Variants in ANKRD17 observed in about 807,000 individuals in gnomAD.
The protein encoded by ANKRD17 is ankyrin repeat domain-containing protein 17.
ANKRD17 carries 19 observed loss-of-function variants against 229.7 expected under a neutral mutation model. The ratio of observed to expected loss-of-function variants is 0.08; its 90% CI spans 0.06 to 0.12. ANKRD17 has a LOEUF of 0.12. Among genes scored for constraint, ANKRD17 ranks in the 10% least tolerant of loss-of-function variants. ANKRD17 has a pLI of 1.00. For synonymous variants in ANKRD17, 1,112 were observed against 1,146.1 expected (o/e 0.97, Z 0.60); for missense variants, 2,176 against 3,176.8 (o/e 0.68, Z 7.57).
rs1409463064 is a variant in ANKRD17, at chr4:73,091,515, T to C, written c.6113A>G (p.Tyr2038Cys). The change falls in exon 29 of 34, where the codon TAT (tyrosine) becomes TGT (cysteine). Residue 2038 changes from tyrosine (Y) to cysteine (C), a missense_variant. Tyr to Cys is a radical substitution (Grantham distance 194, BLOSUM62 -2). Around this residue, in one of 18 missense-constraint regions of ANKRD17, gnomAD observed 424 missense variants for 454.0 expected, o/e 0.93. Transcript: ENST00000358602. ...TGGGGAAGATGGGGATGATACTGGA[T>C]AGTGTTCTTTGGCAGTAGGCATAGG... is the stretch of plus-strand genomic sequence containing the variant. The part of the protein sequence containing the change: ...TYPMPTAKEH[Y>C]PVSSPSSPSP... 4.3e-6 allele frequency: 7 copies of C among 1,614,132 alleles called. No homozygotes were observed. Among genetic ancestry groups the C allele is most frequent in the Non-Finnish European group, 5.9e-6 (7 of 1,180,008 alleles).
chr4:73,235,341 C>T (rs1277851855), intron 1 of ANKRD17, among the ~76,000 whole-genome samples: 1 of 152,112 alleles, frequency 6.6e-6, no homozygotes, highest in Non-Finnish European at 1.5e-5. Context: ...AATGTTGAGA[C>T]AGTAACAGGG....
intron 1 of ANKRD17, among the ~76,000 whole-genome samples, chr4:73,215,848 T>C (rs557551911): frequency 1.1e-4 from 16 of 152,330 alleles, no homozygotes; most frequent in Admixed American, 3.3e-4. Context: ...CTCCTAACAA[T>C]GTGACACTAA....
At chr4:73,218,472 A>G (rs1342391845) in intron 1 of ANKRD17, among the ~76,000 whole-genome samples, 1 of 151,706 alleles carries the variant, frequency 6.6e-6, no homozygotes. Flanking sequence ...GAGAAACCCC[A>G]TCTCTACTAA....
At chr4:73,221,350 T>C (rs1033211359) in intron 1 of ANKRD17, among the ~76,000 whole-genome samples, 6 of 152,104 alleles carry the variant, frequency 3.9e-5, no homozygotes, top group South Asian at 2.1e-4. Context: ...GTTGTTCAGG[T>C]AGCATTAAAA....
chr4:73,122,528 A>G (rs1270792532), intron 18 of ANKRD17, among the ~76,000 whole-genome samples: 1 of 152,180 alleles, frequency 6.6e-6, no homozygotes, highest in Non-Finnish European at 1.5e-5. Flanking sequence ...ATTGTCCACT[A>G]TGCCATTTAA....
intron 1 of ANKRD17, among the ~76,000 whole-genome samples, chr4:73,179,462 ATATATG>A (rs1394571068): frequency 1.1e-5 from 1 of 92,642 alleles, no homozygotes; most frequent in Non-Finnish European, 2.0e-5. Flanking sequence ...GTATATATGT[ATATATG>A]TGTGTGTGTG....
At chr4:73,119,809 A>G (rs971083519) in intron 21 of ANKRD17, among the ~76,000 whole-genome samples, 1 of 152,246 alleles carries the variant, frequency 6.6e-6, no homozygotes, top group Non-Finnish European at 1.5e-5. Context: ...GTGAAGAACA[A>G]GAAAATGGAC....
intron 1 of ANKRD17, among the ~76,000 whole-genome samples, chr4:73,225,104 A>G (rs1266655761): frequency 1.3e-5 from 2 of 152,200 alleles, no homozygotes; most frequent in Non-Finnish European, 2.9e-5. Context: ...CATTGTTGAG[A>G]CCTGGCTTAA....
chr4:73,176,851 C>T (rs961228318), intron 2 of ANKRD17, among the ~76,000 whole-genome samples: 9 of 152,024 alleles, frequency 5.9e-5, no homozygotes, highest in Non-Finnish European at 1.3e-4. Flanking sequence ...CTACTATGTA[C>T]CCACAAAAAT....
chr4:73,076,484 TA>T (rs551160788), intron 33 of ANKRD17, among the ~76,000 whole-genome samples, 194 bp from the exon 34 acceptor site: 17 of 149,516 alleles, frequency 1.1e-4, no homozygotes, highest in South Asian at 4.2e-4. Context: ...TTACAACCTT[TA>T]AAAAAAAAAT....
In ANKRD17 at chr4:73,191,341, A is replaced by ATATGTGTGTGTGTGTGTGTGTGTGTG. The variant is rs1553933228; in HGVS notation, c.394-13809_394-13808insCACACACACACACACACACACACATA. Among the ~76,000 whole-genome samples the ATATGTGTGTGTGTGTGTGTGTGTGTG allele has an allele frequency of 1.5e-3, 186 of 125,284 alleles. 1 individual carries two copies. Among genetic ancestry groups the ATATGTGTGTGTGTGTGTGTGTGTGTG allele is most frequent in the East Asian group, 4.2e-3 (17 of 4,090 alleles). 82.2% of individuals were successfully genotyped at this position (125,284 alleles called of 152,430 possible). ...AATAGGCCCCTACCAAAAAATATAT[A>ATATGTGTGTGTGTGTGTGTGTGTGTG]TGTGTGTGTGTGTGTGTGTGTGTGT... On this transcript the variant is annotated intron_variant, in intron 1 of 33. Transcript: ENST00000358602.
At chr4:73,241,831 C>T (rs1467619938) in intron 1 of ANKRD17, among the ~76,000 whole-genome samples, 1 of 151,950 alleles carries the variant, frequency 6.6e-6, no homozygotes, top group Admixed American at 6.6e-5. Flanking sequence ...ATTCATCATA[C>T]CAAGTATTCA....
chr4:73,256,440 TTG>T (rs879010375), intron 1 of ANKRD17, among the ~76,000 whole-genome samples: 14 of 152,314 alleles, frequency 9.2e-5, no homozygotes, highest in African/African-American at 2.9e-4. Context: ...AGCTGCATGA[TTG>T]TGTTACCTTG....
chr4:73,120,256 C>T lies in ANKRD17; in HGVS notation c.3931G>A (p.Val1311Ile), dbSNP rs749551513. 13 of 1,614,080 alleles carry T rather than the reference C, an allele frequency of 8.1e-6. No homozygotes were observed. In the South Asian group the frequency reaches 1.3e-4, roughly 16 times the overall value. The change falls in exon 21 of 34, where the codon GTT becomes ATT. Residue 1311 changes from valine to isoleucine, a missense_variant. Physicochemically the swap from Val to Ile is conservative, Grantham distance 29. Coordinates refer to ENST00000358602, the MANE Select transcript of ANKRD17 (RefSeq NM_032217.5). ...GRVLLDKGADVNAPPVPSSRD... is the reference protein window; with the variant it reads ...GRVLLDKGADINAPPVPSSRD... ...GAGGAGGGAACTGGAGGGGCATTAA[C>T]ATCAGCACCTTTATCCAAAAGAACT...
Position 73,258,396 on chromosome 4 carries a change from G to C in ANKRD17, c.273C>G (p.Asp91Glu). 1 of 1,610,680 alleles carries C rather than the reference G, an allele frequency of 6.2e-7. No individual in the cohort carries two copies. Among genetic ancestry groups the C allele is most frequent in the Non-Finnish European group, 8.5e-7 (1 of 1,179,394 alleles). ...CTCCACCGCCGCCGCTGTTGTCGCT[G>C]TCGCTGCTGCTTTCGCTGCTGCTGG... is the stretch of plus-strand genomic sequence containing the variant. ...RPPSSSESSS[D>E]SDNSGGGGGG... Residue 91 changes from aspartate (D) to glutamate (E), a missense_variant, in exon 1 of 34, where the codon GAC (aspartate) becomes GAG (glutamate). Physicochemically the swap from Asp to Glu is conservative, Grantham distance 45. Coordinates refer to ENST00000358602, the MANE Select transcript of ANKRD17 (RefSeq NM_032217.5).
intron 19 of ANKRD17, 145 bp from the exon 20 acceptor site, chr4:73,121,239 G>A: frequency 4.1e-6 from 3 of 737,378 alleles, no homozygotes; most frequent in Non-Finnish European, 6.8e-6. Flanking sequence ...GTAAGTCTCT[G>A]AGATACTACC....
At chr4:73,236,166 C>T (rs1438021206) in intron 1 of ANKRD17, among the ~76,000 whole-genome samples, 1 of 152,044 alleles carries the variant, frequency 6.6e-6, no homozygotes, top group East Asian at 1.9e-4. Flanking sequence ...AAATCCAGTA[C>T]TCCTTTTTCA....
intron 30 of ANKRD17, among the ~76,000 whole-genome samples, chr4:73,079,658 T>A (rs1218237438): frequency 1.3e-5 from 2 of 152,208 alleles, no homozygotes; most frequent in Non-Finnish European, 2.9e-5. Context: ...TCTGTTTTAT[T>A]TTATCTTGTG....
intron 2 of ANKRD17, among the ~76,000 whole-genome samples, chr4:73,169,867 G>A (rs550680552): frequency 2.8e-4 from 43 of 152,320 alleles, no homozygotes; most frequent in Admixed American, 2.5e-3. Flanking sequence ...TGCTCGTGGA[G>A]GGAGCTTTTG....
Sources: allele counts gnomAD v4.1 joint callset (sites outside exome capture counted in the v4.1 genomes callset), GRCh38; gene constraint gnomAD v4.1.1; regional missense constraint gnomAD v4.1.1; transcripts MANE v1.5; gene names NCBI Gene and HGNC (gene_info 2026-07-23, HGNC 2026-07-21).